Variants in ETFDH observed in about 807,000 individuals in gnomAD.
The protein encoded by ETFDH is electron transfer flavoprotein dehydrogenase.
A neutral mutation model predicts 73.2 loss-of-function variants in ETFDH; 61 were observed. The ratio of observed to expected loss-of-function variants is 0.83; its 90% CI spans 0.68 to 1.03. ETFDH has a LOEUF of 1.03. Among genes scored for constraint, ETFDH ranks in the 50% least tolerant of loss-of-function variants. ETFDH has a pLI of 0.00. For synonymous variants in ETFDH, 243 were observed against 253.3 expected, an observed-to-expected ratio of 0.96 and a Z score of 0.39; for missense variants, 685 against 745.0, an observed-to-expected ratio of 0.92 and a Z score of 0.94.
At chr4:158,690,938 A>T (rs761215220) in intron 6 of ETFDH, among the ~76,000 whole-genome samples, 2 of 152,170 alleles carry the variant, frequency 1.3e-5, no homozygotes, top group African/African-American at 4.8e-5. Flanking sequence ...TGTGGGTGTT[A>T]GAATACAGTA....
chr4:158,699,371 G>A (rs1774399712), intron 9 of ETFDH, among the ~76,000 whole-genome samples: 1 of 152,108 alleles, frequency 6.6e-6, no homozygotes, highest in Admixed American at 6.5e-5. Context: ...GAGTTGGGTA[G>A]TCTGCCTGGG....
chr4:158,706,131 C>T lies in ETFDH; in HGVS notation c.1286-58C>T, dbSNP rs896078933. 8.9e-6 allele frequency: 10 copies of T among 1,123,050 alleles called. No individual in the cohort carries two copies. In the African/African-American group the frequency reaches 9.2e-5, roughly 10 times the overall value. 69.6% of individuals were successfully genotyped at this position (1,123,050 alleles called of 1,614,324 possible). A position where few individuals can be genotyped will look rare whatever the true frequency, so the allele number is the denominator to read the frequency against. On this transcript the variant is annotated intron_variant, in intron 10 of 12. Coordinates refer to ENST00000511912, the MANE Select transcript of ETFDH (RefSeq NM_004453.4). ...GCTATCAAAGTAGCAAAATACTTAGCGTATTTTACACACATTTGGGCAGTT... is the reference window on the plus strand; with the variant it reads ...GCTATCAAAGTAGCAAAATACTTAGTGTATTTTACACACATTTGGGCAGTT...
At chr4:158,673,429 A>C (rs1487277177) in intron 1 of ETFDH, among the ~76,000 whole-genome samples, 1 of 152,216 alleles carries the variant, frequency 6.6e-6, no homozygotes, top group Non-Finnish European at 1.5e-5. Context: ...GTTGTCGTTA[A>C]TTCAAACAGA....
chr4:158,689,745 T>C (rs1188013168), intron 5 of ETFDH, among the ~76,000 whole-genome samples: 1 of 151,260 alleles, frequency 6.6e-6, no homozygotes, highest in Non-Finnish European at 1.5e-5. Context: ...TTTTGTACTT[T>C]ACTATCCAGC....
chr4:158,707,953 A>C (rs1774676603), intron 12 of ETFDH, among the ~76,000 whole-genome samples: 1 of 152,230 alleles, frequency 6.6e-6, no homozygotes, highest in African/African-American at 2.4e-5. Context: ...AAGGCATCAC[A>C]TTTGTGGGTG....
chr4:158,685,922 G>C (rs928855687), intron 5 of ETFDH, among the ~76,000 whole-genome samples: 2 of 152,220 alleles, frequency 1.3e-5, no homozygotes, highest in African/African-American at 4.8e-5. Context: ...TTTGGAATTT[G>C]AATGAGCCTG....
chr4:158,683,202 C>A (rs956487033), intron 3 of ETFDH, among the ~76,000 whole-genome samples: 1 of 152,096 alleles, frequency 6.6e-6, no homozygotes, highest in African/African-American at 2.4e-5. Flanking sequence ...AGGACCAAGT[C>A]CAAGTTTTAT....
intron 5 of ETFDH, among the ~76,000 whole-genome samples, chr4:158,686,047 T>C (rs1773993428): frequency 6.6e-6 from 1 of 152,154 alleles, no homozygotes; most frequent in African/African-American, 2.4e-5. Flanking sequence ...TGGAAGACCA[T>C]TGTGTTCTCT....
chr4:158,708,552 A>C lies in ETFDH; in HGVS notation c.*25A>C. 6.3e-7 allele frequency: 1 copy of C among 1,599,064 alleles called. No individual in the cohort carries two copies. Among genetic ancestry groups the C allele is most frequent in the Non-Finnish European group, 8.6e-7 (1 of 1,166,286 alleles). On this transcript the variant is annotated 3_prime_UTR_variant, in exon 13 of 13. Transcript: ENST00000511912. Reference sequence around the variant, plus strand: ...AACTGCAGCTAGCCAGTTTCTTTCAAGTATGGCAAGCTAACGTTAAAATGT... The same window carrying C: ...AACTGCAGCTAGCCAGTTTCTTTCACGTATGGCAAGCTAACGTTAAAATGT...
At chr4:158,685,058 A>T in intron 4 of ETFDH, 43 bp from the exon 5 acceptor site, 1 of 1,137,538 alleles carries the variant, frequency 8.8e-7, no homozygotes. Context: ...GTAATGTCTT[A>T]TCAATAAAAA....
intron 1 of ETFDH, among the ~76,000 whole-genome samples, chr4:158,674,784 A>T (rs933877158): frequency 2.0e-5 from 3 of 152,216 alleles, no homozygotes; most frequent in African/African-American, 7.2e-5. Flanking sequence ...ACCTAACATT[A>T]GGTTTTCACG....
chr4:158,696,689 G>T (rs1304682780), intron 7 of ETFDH, among the ~76,000 whole-genome samples: 1 of 152,142 alleles, frequency 6.6e-6, no homozygotes, highest in East Asian at 1.9e-4. Flanking sequence ...GATAGAAATT[G>T]TTCAGAATTT....
intron 6 of ETFDH, among the ~76,000 whole-genome samples, chr4:158,694,573 A>G (rs2150310627): frequency 6.6e-6 from 1 of 151,772 alleles, no homozygotes; most frequent in Non-Finnish European, 1.5e-5. Context: ...CAGCCTGGGC[A>G]ACAAGAGCAC....
intron 9 of ETFDH, among the ~76,000 whole-genome samples, chr4:158,702,155 G>GT (rs10586342): frequency 0.047 from 6,874 of 145,418 alleles, 227 homozygotes; most frequent in East Asian, 0.11. Flanking sequence ...CAAATCACAG[G>GT]TTTTTTTTTT....
Position 158,699,003 on chromosome 4 carries a change from A to T in ETFDH, c.989A>T (p.Gln330Leu), listed in dbSNP as rs1271777916. 8 of 1,607,502 alleles carry T rather than the reference A, an allele frequency of 5.0e-6. No homozygotes were observed. Among genetic ancestry groups the T allele is most frequent in the Non-Finnish European group, 6.8e-6 (8 of 1,173,960 alleles). The part of the protein sequence containing the change: ...ALGLVVGLDY[Q>L]NPYLSPFREF... ...ATTTTTAAGGTTGGTCTAGACTATC[A>T]GAATCCATACCTGAGTCCATTTAGA... Residue 330 changes from glutamine (Q) to leucine (L), a missense_variant, in exon 9 of 13, where the codon CAG (glutamine) becomes CTG (leucine). Around this residue, in one of 3 missense-constraint regions of ETFDH, gnomAD observed 405 missense variants for 399.3 expected, o/e 1.01. Transcript: ENST00000511912.
At chr4:158,675,768 C>CAAAA (rs199648174) in intron 1 of ETFDH, among the ~76,000 whole-genome samples, 108 of 78,740 alleles carry the variant, frequency 1.4e-3, no homozygotes, top group African/African-American at 5.1e-3. Context: ...GACCCTGTCT[C>CAAAA]AAAAAAAAAA....
rs746105363 is a variant in ETFDH, at chr4:158,685,095, T to C, written c.488-6T>C. On this transcript the variant is annotated splice_region_variant and splice_polypyrimidine_tract_variant and intron_variant, in intron 4 of 12. Coordinates refer to ENST00000511912, the MANE Select transcript of ETFDH (RefSeq NM_004453.4). ...TCAGATTTATAAATTAAGCATATAT[T>C]TATAGGGCTTCCAATGAATAATCAT... 4 of 1,508,418 alleles carry C rather than the reference T, an allele frequency of 2.7e-6. No homozygotes were observed. The highest frequency in any genetic ancestry group is 3.7e-6 in the Non-Finnish European group (4 of 1,084,200). 93.4% of individuals were successfully genotyped at this position (1,508,418 alleles called of 1,614,324 possible). A position where few individuals can be genotyped will look rare whatever the true frequency, so the allele number is the denominator to read the frequency against.
rs868247080 is a variant in ETFDH, at chr4:158,695,500, A to G, written c.688A>G (p.Thr230Ala). 3 of 1,612,408 alleles carry G rather than the reference A, an allele frequency of 1.9e-6. No homozygotes were observed. The highest frequency in any genetic ancestry group is 1.1e-5 in the South Asian group (1 of 90,894). The change falls in exon 7 of 13, where the codon ACA becomes GCA. Residue 230 changes from threonine (T) to alanine (A), a missense_variant. This residue lies in a region of ETFDH where 405 missense variants were observed against 399.3 expected (regional missense o/e 1.01). Transcript: ENST00000511912. ...TTAACATGTTTTTGCTTTTCAGGCA[A>G]CATTTGAGAGAGGACTGGAACTACA... Reference protein sequence around the residue: ...GIQKDGAPKATFERGLELHAK... With the variant: ...GIQKDGAPKAAFERGLELHAK...
chr4:158,685,104 T>A lies in ETFDH; in HGVS notation c.491T>A (p.Leu164His). Reference sequence around the variant, plus strand: ...TAAATTAAGCATATATTTATAGGGCTTCCAATGAATAATCATGGCAATTAC... The same window carrying A: ...TAAATTAAGCATATATTTATAGGGCATCCAATGAATAATCATGGCAATTAC... ...YRIPVPILPGLPMNNHGNYIV... is the reference protein window; with the variant it reads ...YRIPVPILPGHPMNNHGNYIV... The change falls in exon 5 of 13, where the codon CTT becomes CAT. Residue 164 changes from leucine (L) to histidine (H), a missense_variant. Leu to His is a moderately conservative substitution (Grantham distance 99). Coordinates refer to ENST00000511912, the MANE Select transcript of ETFDH (RefSeq NM_004453.4). 1 of 1,569,078 alleles carries A rather than the reference T, an allele frequency of 6.4e-7. No homozygotes were observed. Among genetic ancestry groups the A allele is most frequent in the Non-Finnish European group, 8.8e-7 (1 of 1,139,208 alleles).
Sources: allele counts gnomAD v4.1 joint callset (sites outside exome capture counted in the v4.1 genomes callset), GRCh38; gene constraint gnomAD v4.1.1; regional missense constraint gnomAD v4.1.1; transcripts MANE v1.5; gene names NCBI Gene and HGNC (gene_info 2026-07-23, HGNC 2026-07-21).